The following GPATCH8 variants were observed in gnomAD, a reference collection of about 807,000 sequenced individuals.
GPATCH8 encodes the protein G patch domain-containing protein 8.
GPATCH8 carries 18 observed loss-of-function variants against 118.3 expected under a neutral mutation model. That is an observed-to-expected ratio of 0.15 (90% CI 0.11 to 0.23). The LOEUF is 0.23. Among genes scored for constraint, GPATCH8 ranks in the 10% least tolerant of loss-of-function variants. The pLI, the probability that GPATCH8 is intolerant of heterozygous loss-of-function variation, is 1.00. For missense variants in GPATCH8, 1,631 were observed against 1,873.8 expected (o/e 0.87, Z 2.39); for synonymous variants, 659 against 684.7 (o/e 0.96, Z 0.59).
At chr17:44,420,171 G>A (rs2049845077) in intron 6 of GPATCH8, among the ~76,000 whole-genome samples, 1 of 151,960 alleles carries the variant, frequency 6.6e-6, no homozygotes, top group Admixed American at 6.6e-5. Flanking sequence ...TTAGTGAACA[G>A]GCAGTCCATG....
chr17:44,492,970 A>G (rs1225077710), intron 1 of GPATCH8, among the ~76,000 whole-genome samples: 1 of 152,136 alleles, frequency 6.6e-6, no homozygotes, highest in Non-Finnish European at 1.5e-5. Flanking sequence ...ACCCACAGAC[A>G]GTGAAAAGAC....
intron 3 of GPATCH8, among the ~76,000 whole-genome samples, chr17:44,458,017 G>T (rs1850886659): frequency 6.6e-6 from 1 of 151,694 alleles, no homozygotes; most frequent in Non-Finnish European, 1.5e-5. Context: ...CCCGGGAGGT[G>T]GAGCTTGCAG....
chr17:44,406,067 G>C lies in GPATCH8; in HGVS notation c.493-16C>G. 6.3e-7 allele frequency: 1 copy of C among 1,585,944 alleles called. No homozygotes were observed. The highest frequency in any genetic ancestry group is 8.7e-7 in the Non-Finnish European group (1 of 1,154,654). On this transcript the variant is annotated splice_polypyrimidine_tract_variant and intron_variant, in intron 6 of 7. Coordinates refer to ENST00000591680, the MANE Select transcript of GPATCH8 (RefSeq NM_001002909.4). Reference sequence around the variant, plus strand: ...CTTTTAATCTCTGGGTTAAAAGAAAGAAAGATACAGAGGGTGGATGATTTA... The same window carrying C: ...CTTTTAATCTCTGGGTTAAAAGAAACAAAGATACAGAGGGTGGATGATTTA...
At position 44,469,728 on chromosome 17, in the gene GPATCH8, G is replaced by A. The variant is rs556893791; in HGVS notation, c.120+5101C>T. On this transcript the variant is annotated intron_variant, in intron 2 of 7. Transcript: ENST00000591680. The stretch of plus-strand genomic sequence containing the variant: ...ATGCAAACAAGTTGTAAAAATTCCC[G>A]AAACAAAAAAACTCTATAGCTCACT... Among the ~76,000 whole-genome samples the A allele has an allele frequency of 9.9e-5, 15 of 152,098 alleles. No individual in the cohort carries two copies. The South Asian group carries it at 2.1e-3, about 21-fold the overall frequency.
intron 3 of GPATCH8, among the ~76,000 whole-genome samples, chr17:44,453,238 C>G (rs779920519): frequency 1.3e-5 from 2 of 152,116 alleles, no homozygotes; most frequent in Non-Finnish European, 2.9e-5. Context: ...CTTCCACATT[C>G]AGTGTGGCAT....
chr17:44,503,398 A>G lies in GPATCH8; in HGVS notation c.-28T>C, dbSNP rs1970242153. 1 of 1,590,502 alleles carries G rather than the reference A, an allele frequency of 6.3e-7. No individual in the cohort carries two copies. The highest frequency in any genetic ancestry group is 1.3e-5 in the African/African-American group (1 of 74,472). On this transcript the variant is annotated 5_prime_UTR_variant, in exon 1 of 8. Transcript: ENST00000591680. ...TGCCGCCTTCACTCCTCTCAGGACGACGCTCTCCGGTTCGCTCCTTCCCTC... is the reference window on the plus strand; with the variant it reads ...TGCCGCCTTCACTCCTCTCAGGACGGCGCTCTCCGGTTCGCTCCTTCCCTC...
At chr17:44,475,036 T>C (rs1967628233) in intron 1 of GPATCH8, 133 bp from the exon 2 acceptor site, 2 of 657,512 alleles carry the variant, frequency 3.0e-6, no homozygotes, top group Non-Finnish European at 5.4e-6. Flanking sequence ...CAATCGTTCA[T>C]TTTCAGTACA....
At chr17:44,458,427 T>C (rs890687034) in intron 3 of GPATCH8, among the ~76,000 whole-genome samples, 1 of 152,222 alleles carries the variant, frequency 6.6e-6, no homozygotes, top group African/African-American at 2.4e-5. Context: ...AGCTGATAAA[T>C]ACCTGAAGGA....
chr17:44,435,709 G>A (rs1187334379), intron 4 of GPATCH8, among the ~76,000 whole-genome samples: 4 of 140,430 alleles, frequency 2.8e-5, no homozygotes, highest in South Asian at 2.6e-4. Context: ...GAGCCACTGC[G>A]CCCAGCGACT....
rs749410501 is a variant in GPATCH8, at chr17:44,396,746, C to T, written c.*822G>A. The T allele has an allele frequency of 1.8e-5, 8 of 452,336 alleles. No individual in the cohort carries two copies. The highest frequency in any genetic ancestry group is 2.0e-5 in the African/African-American group (1 of 49,596). The allele number at this position is 452,336 out of a possible 1,614,324, so 28.0% of individuals were successfully genotyped here. Reference sequence around the variant, plus strand: ...TATGAGCTACAAAAAGCAGCATTTACGTTTATAGAGTTCAGTGCAATTTTT... The same window carrying T: ...TATGAGCTACAAAAAGCAGCATTTATGTTTATAGAGTTCAGTGCAATTTTT... On this transcript the variant is annotated 3_prime_UTR_variant, in exon 8 of 8. Transcript: ENST00000591680.
At chr17:44,488,512 G>A (rs1385945507) in intron 1 of GPATCH8, among the ~76,000 whole-genome samples, 2 of 151,690 alleles carry the variant, frequency 1.3e-5, no homozygotes, top group Non-Finnish European at 2.9e-5. Flanking sequence ...TGGGATTACA[G>A]GTGCGTGCCA....
chr17:44,405,963 C>T lies in GPATCH8; in HGVS notation c.581G>A (p.Arg194Gln), dbSNP rs2049205412. 5 of 1,612,646 alleles carry T rather than the reference C, an allele frequency of 3.1e-6. No individual in the cohort carries two copies. Among genetic ancestry groups the T allele is most frequent in the Non-Finnish European group, 3.4e-6 (4 of 1,178,650 alleles). ...KDEKKQEKALRRLHELAEQRK... is the reference protein window; with the variant it reads ...KDEKKQEKALQRLHELAEQRK... Reference sequence around the variant, plus strand: ...TTGCTCTGCCAACTCATGGAGCCGCCGAAGGGCTTTTTCCTGTTTTTTCTC... The same window carrying T: ...TTGCTCTGCCAACTCATGGAGCCGCTGAAGGGCTTTTTCCTGTTTTTTCTC... The change falls in exon 7 of 8, where the codon CGG (arginine) becomes CAG (glutamine). Residue 194 changes from arginine (R) to glutamine (Q), a missense_variant. Arg to Gln is a conservative substitution (Grantham distance 43, BLOSUM62 1). Coordinates refer to ENST00000591680, the MANE Select transcript of GPATCH8 (RefSeq NM_001002909.4).
intron 3 of GPATCH8, among the ~76,000 whole-genome samples, chr17:44,441,720 T>C (rs2050696055): frequency 7.6e-6 from 1 of 131,646 alleles, no homozygotes; most frequent in Non-Finnish European, 1.6e-5. Context: ...CGACACTCCT[T>C]CCCCCCGCCC....
intron 2 of GPATCH8, among the ~76,000 whole-genome samples, chr17:44,466,440 T>C (rs1421762514): frequency 6.6e-6 from 1 of 152,204 alleles, no homozygotes; most frequent in African/African-American, 2.4e-5. Flanking sequence ...CTATACCATT[T>C]GAAAGAATTA....
At chr17:44,482,706 T>G (rs187526119) in intron 1 of GPATCH8, among the ~76,000 whole-genome samples, 18 of 150,818 alleles carry the variant, frequency 1.2e-4, no homozygotes, top group Non-Finnish European at 2.1e-4. Context: ...TAAAGTAAAA[T>G]TAAAAAAAAT....
At chr17:44,420,052 T>TA (rs1399866660) in intron 6 of GPATCH8, among the ~76,000 whole-genome samples, 1 of 150,940 alleles carries the variant, frequency 6.6e-6, no homozygotes, top group Non-Finnish European at 1.5e-5. Context: ...TTTTTTTTTT[T>TA]AATGCGTAAG....
intron 2 of GPATCH8, among the ~76,000 whole-genome samples, chr17:44,470,285 G>C (rs1013155256): frequency 6.6e-6 from 1 of 152,042 alleles, no homozygotes; most frequent in Non-Finnish European, 1.5e-5. Flanking sequence ...GCAGTGGCAC[G>C]ATCTTGGGTT....
chr17:44,425,957 CAGA>C (rs1223304996), intron 5 of GPATCH8, among the ~76,000 whole-genome samples: 1 of 152,084 alleles, frequency 6.6e-6, no homozygotes, highest in African/African-American at 2.4e-5. Flanking sequence ...ACTGCATTTT[CAGA>C]AGAACTGGGC....
intron 3 of GPATCH8, among the ~76,000 whole-genome samples, chr17:44,456,209 A>C (rs2051325461): frequency 1.3e-5 from 2 of 151,532 alleles, no homozygotes; most frequent in African/African-American, 4.9e-5. Context: ...AACACTAGGT[A>C]GGGCTCAAGC....
Sources: gnomAD v4.1 joint callset for allele counts (sites outside exome capture counted in the v4.1 genomes callset) on GRCh38, gnomAD v4.1.1 for gene constraint, MANE v1.5 for transcripts, NCBI Gene and HGNC (gene_info 2026-07-23, HGNC 2026-07-21) for gene names.